VTI1A: variants seen among roughly 807,000 people sequenced by gnomAD.
VTI1A encodes vesicle transport through interaction with t-SNAREs homolog 1A.
VTI1A carries 22 observed loss-of-function variants against 34.9 expected under a neutral mutation model. The ratio of observed to expected loss-of-function variants is 0.63; its 90% CI spans 0.45 to 0.90. The LOEUF is 0.90. Ranked by LOEUF, VTI1A falls within the 40% of genes least tolerant of loss-of-function variation. The pLI, the probability that VTI1A is intolerant of heterozygous loss-of-function variation, is 0.00. For missense variants in VTI1A, 268 were observed against 275.6 expected (o/e 0.97, Z 0.20); for synonymous variants, 87 against 97.3 (o/e 0.89, Z 0.62).
At chr10:112,679,169 C>G (rs939803377) in intron 7 of VTI1A, among the ~76,000 whole-genome samples, 2 of 152,092 alleles carry the variant, frequency 1.3e-5, no homozygotes, top group Admixed American at 6.6e-5. Context: ...TTATACCACA[C>G]AAGCAGTTTT....
intron 5 of VTI1A, among the ~76,000 whole-genome samples, chr10:112,633,662 G>A (rs1452426176): frequency 6.6e-6 from 1 of 152,156 alleles, no homozygotes. Context: ...GAGAAGACTA[G>A]CATTACATAA....
intron 7 of VTI1A, among the ~76,000 whole-genome samples, chr10:112,724,902 G>C (rs1849959759): frequency 6.6e-6 from 1 of 151,216 alleles, no homozygotes; most frequent in Non-Finnish European, 1.5e-5. Context: ...CTACCAACAT[G>C]TCACCCTTCT....
chr10:112,570,284 G>T (rs932665105), intron 5 of VTI1A, among the ~76,000 whole-genome samples: 16 of 151,936 alleles, frequency 1.1e-4, no homozygotes, highest in African/African-American at 3.6e-4. Context: ...CTGCCTGAAG[G>T]TTGCATATTT....
At chr10:112,695,621 T>A (rs1466755392) in intron 7 of VTI1A, among the ~76,000 whole-genome samples, 1 of 152,176 alleles carries the variant, frequency 6.6e-6, no homozygotes, top group Non-Finnish European at 1.5e-5. Context: ...CTTCTTACAC[T>A]GGAATCTCTG....
chr10:112,560,877 G>A (rs971399166), intron 5 of VTI1A, among the ~76,000 whole-genome samples: 4 of 152,000 alleles, frequency 2.6e-5, no homozygotes, highest in African/African-American at 9.7e-5. Context: ...GATTACAGGC[G>A]TGAGCCACCG....
chr10:112,519,865 C>T (rs1849946908), intron 3 of VTI1A, among the ~76,000 whole-genome samples: 2 of 152,186 alleles, frequency 1.3e-5, no homozygotes, highest in South Asian at 4.1e-4. Flanking sequence ...TCACTTGAAA[C>T]TGTGACTATG....
At chr10:112,849,962 G>A in the VTI1A span, among the ~76,000 whole-genome samples, 11 of 152,130 alleles carry the variant, frequency 7.2e-5, no homozygotes, top group Admixed American at 3.3e-4. Flanking sequence ...AAGGCGTCCC[G>A]GCCCTCACCC....
At chr10:112,741,881 G>C (rs969632974) in intron 7 of VTI1A, among the ~76,000 whole-genome samples, 1 of 152,104 alleles carries the variant, frequency 6.6e-6, no homozygotes, top group Non-Finnish European at 1.5e-5. Context: ...GCAGCAGTCA[G>C]TTGGCACCCA....
downstream of VTI1A, among the ~76,000 whole-genome samples, chr10:112,822,513 G>T (rs143498570): frequency 3.9e-5 from 6 of 152,312 alleles, no homozygotes; most frequent in South Asian, 8.3e-4. Flanking sequence ...ATCCGCTGTG[G>T]TGTACAATTT....
In VTI1A at chr10:112,816,393, G is replaced by A. The variant is rs191307745; in HGVS notation, c.*1010G>A. ...AGGGTCCACCAGAGATAAACTTCACGGAAAACGTTCCCTAACCTCCTTTAA... is the reference window on the plus strand; with the variant it reads ...AGGGTCCACCAGAGATAAACTTCACAGAAAACGTTCCCTAACCTCCTTTAA... On this transcript the variant is annotated 3_prime_UTR_variant, in exon 8 of 8. Transcript: ENST00000393077. 101 of 223,374 alleles carry A rather than the reference G, an allele frequency of 4.5e-4. 1 individual carries two copies. The South Asian group carries it at 8.4e-3, about 19-fold the overall frequency. The allele number at this position is 223,374 out of a possible 1,614,324, so 13.8% of individuals were successfully genotyped here.
intron 5 of VTI1A, among the ~76,000 whole-genome samples, chr10:112,594,324 G>A (rs1844531215): frequency 6.6e-6 from 1 of 152,108 alleles, no homozygotes; most frequent in Non-Finnish European, 1.5e-5. Flanking sequence ...GCCTGCTTTA[G>A]GAGAAGGAAA....
intron 5 of VTI1A, among the ~76,000 whole-genome samples, chr10:112,543,939 C>A (rs917436708): frequency 2.0e-5 from 3 of 152,136 alleles, no homozygotes; most frequent in African/African-American, 7.2e-5. Flanking sequence ...ATAGGGAATC[C>A]TTTACCCATT....
chr10:112,463,806 A>G (rs567149697), intron 2 of VTI1A, among the ~76,000 whole-genome samples: 1 of 152,314 alleles, frequency 6.6e-6, no homozygotes, highest in African/African-American at 2.4e-5. Context: ...GCCAGAATAA[A>G]TATCACCAAA....
intron 7 of VTI1A, among the ~76,000 whole-genome samples, chr10:112,809,816 C>G (rs1853221531): frequency 6.6e-6 from 1 of 152,080 alleles, no homozygotes. Context: ...TGTGGAAGGT[C>G]CACTTTTTAC....
chr10:112,460,492 T>C lies in VTI1A; in HGVS notation c.95-32T>C. 2.6e-6 allele frequency: 4 copies of C among 1,568,562 alleles called. 1 individual carries two copies. Among genetic ancestry groups the C allele is most frequent in the Middle Eastern group, 4.2e-4 (2 of 4,776 alleles). Reference sequence around the variant, plus strand: ...AAAATATTAAATTTATTTGTATCTTTAGCAATTTCTTGGTATTATTGTTTG... The same window carrying C: ...AAAATATTAAATTTATTTGTATCTTCAGCAATTTCTTGGTATTATTGTTTG... On this transcript the variant is annotated intron_variant, in intron 1 of 7. Transcript: ENST00000393077.
chr10:112,559,135 T>A (rs990154075), intron 5 of VTI1A, among the ~76,000 whole-genome samples: 9 of 152,186 alleles, frequency 5.9e-5, no homozygotes, highest in African/African-American at 2.2e-4. Context: ...AGGAAAAAAA[T>A]GTGTAAATTG....
the VTI1A span, among the ~76,000 whole-genome samples, chr10:112,828,377 A>T: frequency 6.6e-6 from 1 of 152,070 alleles, no homozygotes. Flanking sequence ...TTATTTAAAA[A>T]ATTCATTTTA....
At chr10:112,597,859 G>C (rs367828778) in intron 5 of VTI1A, among the ~76,000 whole-genome samples, 92 of 151,574 alleles carry the variant, frequency 6.1e-4, no homozygotes, top group African/African-American at 2.2e-3. Context: ...CACCACGCCC[G>C]GCTAATTTTT....
chr10:112,824,079 G>C, the VTI1A span: 3 of 152,250 alleles, frequency 2.0e-5, no homozygotes, highest in African/African-American at 7.2e-5. Context: ...CAGCACCAGG[G>C]GTTGGAACTT....
Sources: allele counts gnomAD v4.1 joint callset (sites outside exome capture counted in the v4.1 genomes callset), GRCh38; gene constraint gnomAD v4.1.1; transcripts MANE v1.5; gene names NCBI Gene and HGNC (gene_info 2026-07-23, HGNC 2026-07-21).